Variants in CTNND2 observed in about 807,000 individuals in gnomAD.
CTNND2 encodes catenin delta-2.
Under a neutral mutation model 144.4 loss-of-function variants are expected in CTNND2, and 22 were observed. The ratio of observed to expected loss-of-function variants is 0.15; its 90% CI spans 0.11 to 0.22. The LOEUF is 0.22. Among genes scored for constraint, CTNND2 ranks in the 10% least tolerant of loss-of-function variants. The pLI is 1.00. For missense variants in CTNND2, 1,353 were observed against 1,618.8 expected (o/e 0.84, Z 2.82); for synonymous variants, 751 against 695.6 (o/e 1.08, Z -1.25).
intron 2 of CTNND2, among the ~76,000 whole-genome samples, chr5:11,725,213 A>T (rs1384210856): frequency 1.3e-5 from 2 of 152,210 alleles, no homozygotes; most frequent in Non-Finnish European, 2.9e-5. Flanking sequence ...AGATAACTCC[A>T]GTCCAGGCCA....
chr5:11,774,653 T>C (rs190959029), intron 1 of CTNND2, among the ~76,000 whole-genome samples: 304 of 152,116 alleles, frequency 2.0e-3, no homozygotes, highest in African/African-American at 6.8e-3. Flanking sequence ...GCTTGCAATA[T>C]GGAAGTAGTA....
chr5:11,393,029 C>T (rs559853471), intron 6 of CTNND2, among the ~76,000 whole-genome samples: 14 of 152,284 alleles, frequency 9.2e-5, no homozygotes, highest in Admixed American at 7.8e-4. Context: ...CATGAGTGTG[C>T]ACCAATAAGC....
intron 1 of CTNND2, among the ~76,000 whole-genome samples, chr5:11,817,623 G>T (rs953256931): frequency 6.6e-6 from 1 of 151,952 alleles, no homozygotes; most frequent in Non-Finnish European, 1.5e-5. Flanking sequence ...ATTCTGAATC[G>T]GATGAGACTT....
Position 11,889,082 on chromosome 5 carries a change from C to T in CTNND2, c.37+14735G>A, listed in dbSNP as rs73052551. On this transcript the variant is annotated intron_variant, in intron 1 of 21. Transcript: ENST00000304623. Reference sequence around the variant, plus strand: ...TGACTCTTAAATAGAAACCTTTTCACGGCATGTACCAACCTTGGTAAATAA... The same window carrying T: ...TGACTCTTAAATAGAAACCTTTTCATGGCATGTACCAACCTTGGTAAATAA... 5.8e-3 allele frequency among the ~76,000 whole-genome samples: 876 copies of T among 152,212 alleles called. 8 individuals are homozygous for T. The highest frequency in any genetic ancestry group is 0.02 in the African/African-American group (833 of 41,534).
chr5:11,342,267 A>G (rs756690674), intron 9 of CTNND2, among the ~76,000 whole-genome samples: 3 of 152,256 alleles, frequency 2.0e-5, no homozygotes, highest in Non-Finnish European at 2.9e-5. Context: ...ATTTCGAAAC[A>G]GCACACAAAA....
At chr5:11,859,036 T>C (rs1223272184) in intron 1 of CTNND2, among the ~76,000 whole-genome samples, 2 of 152,240 alleles carry the variant, frequency 1.3e-5, no homozygotes, top group African/African-American at 4.8e-5. Context: ...TCTTGTTAAT[T>C]GGAAAAACCC....
At chr5:11,482,388 G>T (rs1230086267) in intron 3 of CTNND2, among the ~76,000 whole-genome samples, 1 of 152,138 alleles carries the variant, frequency 6.6e-6, no homozygotes, top group Admixed American at 6.6e-5. Flanking sequence ...TCAGGATTCA[G>T]TGAATAGAGG....
At chr5:11,760,084 T>C (rs1581837884) in intron 1 of CTNND2, among the ~76,000 whole-genome samples, 1 of 149,478 alleles carries the variant, frequency 6.7e-6, no homozygotes, top group Non-Finnish European at 1.5e-5. Context: ...TATTTATCCC[T>C]CCTTCCTACT....
At chr5:11,105,097 T>C (rs955804061) in intron 14 of CTNND2, among the ~76,000 whole-genome samples, 2 of 152,200 alleles carry the variant, frequency 1.3e-5, no homozygotes, top group African/African-American at 4.8e-5. Context: ...TGCCTGTCCC[T>C]TCCCAAAGTC....
intron 9 of CTNND2, among the ~76,000 whole-genome samples, chr5:11,237,255 G>A (rs555994146): frequency 8.5e-5 from 13 of 152,144 alleles, no homozygotes; most frequent in African/African-American, 1.4e-4. Flanking sequence ...TCCTGACCTC[G>A]TGATCCGCCC....
At chr5:11,090,389 A>C (rs1225772271) in intron 15 of CTNND2, among the ~76,000 whole-genome samples, 1 of 152,230 alleles carries the variant, frequency 6.6e-6, no homozygotes, top group African/African-American at 2.4e-5. Context: ...TTAGGGCAGA[A>C]GGCCCCAACC....
chr5:10,989,536 T>C (rs1738424928), intron 19 of CTNND2, among the ~76,000 whole-genome samples: 1 of 152,156 alleles, frequency 6.6e-6, no homozygotes, highest in Admixed American at 6.5e-5. Context: ...CCTTTGCTAG[T>C]GTCAAAGCTC....
chr5:11,130,009 A>G (rs1283191218), intron 12 of CTNND2, among the ~76,000 whole-genome samples: 1 of 152,074 alleles, frequency 6.6e-6, no homozygotes, highest in African/African-American at 2.4e-5. Flanking sequence ...TAATTCCCAA[A>G]AAAACAAGTT....
At chr5:11,279,322 G>T (rs145187004) in intron 9 of CTNND2, among the ~76,000 whole-genome samples, 2 of 152,116 alleles carry the variant, frequency 1.3e-5, no homozygotes, top group Non-Finnish European at 1.5e-5. Flanking sequence ...TCAATTAATG[G>T]CAACCCATCC....
At chr5:11,198,677 C>G (rs1392563669) in intron 11 of CTNND2, among the ~76,000 whole-genome samples, 5 of 152,168 alleles carry the variant, frequency 3.3e-5, no homozygotes, top group Non-Finnish European at 7.3e-5. Context: ...CAAATATCAC[C>G]TAGAATGGCA....
At chr5:11,249,557 A>T (rs979648379) in intron 9 of CTNND2, among the ~76,000 whole-genome samples, 1 of 152,168 alleles carries the variant, frequency 6.6e-6, no homozygotes, top group African/African-American at 2.4e-5. Flanking sequence ...AAGAATGAGC[A>T]GTCATTCATA....
intron 8 of CTNND2, among the ~76,000 whole-genome samples, chr5:11,360,472 G>A (rs994392553): frequency 6.6e-6 from 1 of 152,136 alleles, no homozygotes; most frequent in Non-Finnish European, 1.5e-5. Flanking sequence ...AAAGAGTAGA[G>A]TGGCCACTAG....
intron 2 of CTNND2, among the ~76,000 whole-genome samples, chr5:11,706,915 C>G (rs984856750): frequency 6.6e-6 from 1 of 151,898 alleles, no homozygotes; most frequent in African/African-American, 2.4e-5. Context: ...GAAACCCCAT[C>G]TCTACTAAAA....
intron 1 of CTNND2, among the ~76,000 whole-genome samples, chr5:11,820,770 C>G (rs985326292): frequency 6.6e-6 from 1 of 152,152 alleles, no homozygotes; most frequent in Non-Finnish European, 1.5e-5. Flanking sequence ...GTTGAGTAAA[C>G]TCTTTGAAAC....
Sources: allele counts gnomAD v4.1 joint callset (sites outside exome capture counted in the v4.1 genomes callset), GRCh38; gene constraint gnomAD v4.1.1; transcripts MANE v1.5; gene names NCBI Gene and HGNC (gene_info 2026-07-23, HGNC 2026-07-21).